Variants in NEK7 observed in about 807,000 individuals in gnomAD.
NEK7 encodes the protein NIMA related kinase 7.
Under a neutral mutation model 44.6 loss-of-function variants are expected in NEK7, and 18 were observed. That is an observed-to-expected ratio of 0.40 (90% confidence interval 0.28 to 0.60). The LOEUF is 0.60. NEK7 is among the 20% of genes least tolerant of loss of function. The pLI, the probability that NEK7 is intolerant of heterozygous loss-of-function variation, is 0.38. For missense variants in NEK7, 256 were observed against 366.5 expected (o/e 0.70, Z 2.46); for synonymous variants, 130 against 121.1 (o/e 1.07, Z -0.48).
intron 1 of NEK7, among the ~76,000 whole-genome samples, chr1:198,224,296 A>G (rs879313721): frequency 2.0e-5 from 3 of 146,762 alleles, no homozygotes; most frequent in Non-Finnish European, 4.5e-5. Flanking sequence ...AGATACAAAA[A>G]TACTTACCAC....
At chr1:198,219,316 A>G (rs1184601144) in intron 1 of NEK7, among the ~76,000 whole-genome samples, 1 of 150,236 alleles carries the variant, frequency 6.7e-6, no homozygotes, top group African/African-American at 2.4e-5. Context: ...GTGTATATAT[A>G]TGTGTGTATG....
At chr1:198,250,302 G>A (rs1326567530) in intron 2 of NEK7, among the ~76,000 whole-genome samples, 15 of 146,892 alleles carry the variant, frequency 1.0e-4, no homozygotes, top group East Asian at 8.7e-4. Flanking sequence ...ATAGTTTGAA[G>A]TCAGGTAGTG....
chr1:198,273,504 C>T (rs980664229), intron 5 of NEK7, among the ~76,000 whole-genome samples: 1 of 151,686 alleles, frequency 6.6e-6, no homozygotes, highest in Admixed American at 6.6e-5. Context: ...TTTTTCATCA[C>T]CCAGTCTCTG....
rs566496626 is a variant in NEK7 at position 198,202,248 on chromosome 1, G to A, written c.-28-30305G>A. On this transcript the variant is annotated intron_variant, in intron 1 of 9. Transcript: ENST00000367385. Reference sequence around the variant, plus strand: ...ATGTTTCAGTGCCGTTGTAGGTGTCGTCAGGAATATTAAAAAAAAAAAATG... The same window carrying A: ...ATGTTTCAGTGCCGTTGTAGGTGTCATCAGGAATATTAAAAAAAAAAAATG... Among the ~76,000 whole-genome samples the A allele has an allele frequency of 2.1e-4, 32 of 151,872 alleles. No homozygotes were observed. In the South Asian group the frequency reaches 4.6e-3, roughly 22 times the overall value.
At position 198,293,768 on chromosome 1, in the gene NEK7, G is replaced by A. The variant is rs142915128; in HGVS notation, c.684+729G>A. Among the ~76,000 whole-genome samples the A allele has an allele frequency of 4.0e-5, 6 of 151,846 alleles. No homozygotes were observed. The South Asian group carries it at 1.0e-3, about 26-fold the overall frequency. On this transcript the variant is annotated intron_variant, in intron 8 of 9. Transcript: ENST00000367385. The stretch of plus-strand genomic sequence containing the variant: ...TAATTTTCCTAGGAATATAGGCTTC[G>A]AGTCAAAGCTGTTAATTAAAAATTA...
At chr1:198,159,804 G>A (rs1047625502) in intron 1 of NEK7, among the ~76,000 whole-genome samples, 8 of 152,114 alleles carry the variant, frequency 5.3e-5, no homozygotes, top group African/African-American at 1.4e-4. Flanking sequence ...TGTACTAGTA[G>A]AGGAGGGGAG....
intron 8 of NEK7, among the ~76,000 whole-genome samples, chr1:198,295,306 G>A (rs935967700): frequency 1.3e-5 from 2 of 152,078 alleles, no homozygotes; most frequent in Admixed American, 6.5e-5. Flanking sequence ...CACCAGCCCC[G>A]AAGACAGACA....
intron 3 of NEK7, among the ~76,000 whole-genome samples, chr1:198,254,845 A>G (rs979012973): frequency 6.6e-6 from 1 of 152,178 alleles, no homozygotes; most frequent in Non-Finnish European, 1.5e-5. Flanking sequence ...AGAAAACACA[A>G]TATGGGATGT....
At chr1:198,249,014 A>G (rs1571570304) in intron 2 of NEK7, among the ~76,000 whole-genome samples, 1 of 148,300 alleles carries the variant, frequency 6.7e-6, no homozygotes, top group African/African-American at 2.5e-5. Context: ...AGCATTAGGT[A>G]TATCTCCTAA....
intron 1 of NEK7, among the ~76,000 whole-genome samples, chr1:198,190,176 A>G (rs182577507): frequency 4.3e-4 from 66 of 152,248 alleles, no homozygotes; most frequent in Non-Finnish European, 7.4e-4. Flanking sequence ...TAACACTATC[A>G]GAGTTGCCAT....
chr1:198,292,922 T>TTA, intron 7 of NEK7, 23 bp from the exon 8 acceptor site: 1 of 1,272,398 alleles, frequency 7.9e-7, no homozygotes, highest in Non-Finnish European at 1.1e-6. Flanking sequence ...ACCTCTTACT[T>TTA]TATTTGGTTT....
chr1:198,242,991 C>A (rs1463444984), intron 2 of NEK7, among the ~76,000 whole-genome samples: 15 of 151,930 alleles, frequency 9.9e-5, no homozygotes, highest in Admixed American at 9.8e-4. Context: ...ACCTCTTTAA[C>A]CTCATTTCTA....
At chr1:198,310,680 C>T (rs185506519) in intron 9 of NEK7, among the ~76,000 whole-genome samples, 5 of 152,250 alleles carry the variant, frequency 3.3e-5, no homozygotes, top group African/African-American at 9.6e-5. Context: ...GTTTCCCCAA[C>T]ACCATTTATT....
intron 1 of NEK7, chr1:198,208,442 A>G (rs1282424976): frequency 2.0e-5 from 3 of 149,512 alleles, no homozygotes; most frequent in East Asian, 4.0e-4. Flanking sequence ...ATGCAGTGGT[A>G]CGACTGGTGC....
intron 7 of NEK7, among the ~76,000 whole-genome samples, chr1:198,284,560 T>C (rs1654311073): frequency 6.6e-6 from 1 of 152,188 alleles, no homozygotes; most frequent in South Asian, 2.1e-4. Flanking sequence ...AGCTAAAATT[T>C]CACCAAAACT....
intron 4 of NEK7, among the ~76,000 whole-genome samples, chr1:198,263,191 C>A (rs897774507): frequency 6.6e-6 from 1 of 151,784 alleles, no homozygotes; most frequent in Middle Eastern, 3.2e-3. Flanking sequence ...AGAAATACTG[C>A]GGCCTATGTT....
At chr1:198,252,947 A>G (rs1466189166) in intron 2 of NEK7, 93 bp from the exon 3 acceptor site, 78 of 1,036,430 alleles carry the variant, frequency 7.5e-5, no homozygotes, top group Non-Finnish European at 1.1e-4. Context: ...AACTTACCCT[A>G]TGTGTCACCT....
intron 3 of NEK7, among the ~76,000 whole-genome samples, chr1:198,260,603 T>C (rs565949846): frequency 6.6e-6 from 1 of 152,078 alleles, no homozygotes; most frequent in Non-Finnish European, 1.5e-5. Flanking sequence ...CTTCTTCTGT[T>C]ATTTGATTAA....
intron 1 of NEK7, among the ~76,000 whole-genome samples, chr1:198,197,041 T>C (rs16842573): frequency 0.045 from 6,844 of 152,248 alleles, 572 homozygotes; most frequent in African/African-American, 0.16. Context: ...GATGTATTTG[T>C]TTGGTGAATT....
Sources: allele counts gnomAD v4.1 joint callset (sites outside exome capture counted in the v4.1 genomes callset), GRCh38; gene constraint gnomAD v4.1.1; transcripts MANE v1.5; gene names NCBI Gene and HGNC (gene_info 2026-07-23, HGNC 2026-07-21).